PLD5: variants seen among roughly 807,000 people sequenced by gnomAD.
PLD5 encodes the protein inactive phospholipase D5.
PLD5 carries 36 observed loss-of-function variants against 61.1 expected under a neutral mutation model. The observed-to-expected ratio is 0.59, with a 90% CI of 0.45 to 0.78. The LOEUF is 0.78. PLD5 is among the 30% of genes least tolerant of loss of function. The pLI is 0.00. For synonymous variants in PLD5, 243 were observed against 242.8 expected, an observed-to-expected ratio of 1.00 and a Z score of -0.01; for missense variants, 515 against 644.4, an observed-to-expected ratio of 0.80 and a Z score of 2.17.
chr1:242,185,447 GTATT>G (rs67092567), intron 5 of PLD5, among the ~76,000 whole-genome samples: 16,176 of 152,166 alleles, frequency 0.11, 1,099 homozygotes, highest in South Asian at 0.24. Context: ...TGAATAGTAT[GTATT>G]CTTTTCATAA....
Position 242,354,306 on chromosome 1 carries a change from C to G in PLD5, c.190-6064G>C, listed in dbSNP as rs183521686. Among the ~76,000 whole-genome samples the G allele has an allele frequency of 3.2e-3, 494 of 152,160 alleles. 5 individuals are homozygous for G. The highest frequency in any genetic ancestry group is 0.012 in the African/African-American group (479 of 41,510). On this transcript the variant is annotated intron_variant, in intron 1 of 9. Coordinates refer to ENST00000536534, the MANE Select transcript of PLD5 (RefSeq NM_001372062.1). ...TCCTAGAGAGTTCTAAATAATCCAC[C>G]CTGAATTTGCATTGATCCACCCCTT... is the stretch of plus-strand genomic sequence containing the variant.
chr1:242,452,595 C>T lies in PLD5; in HGVS notation c.189+71493G>A, dbSNP rs553729764. On this transcript the variant is annotated intron_variant, in intron 1 of 9. Transcript: ENST00000536534. ...CTTTAGGAAGCTGAGGCGGGTGGATCGCTTGAGCCCAGGAGTTCCAGACCA... is the reference window on the plus strand; with the variant it reads ...CTTTAGGAAGCTGAGGCGGGTGGATTGCTTGAGCCCAGGAGTTCCAGACCA... 1.4e-4 allele frequency among the ~76,000 whole-genome samples: 21 copies of T among 152,222 alleles called. 1 individual carries two copies. In the South Asian group the frequency reaches 3.9e-3, roughly 29 times the overall value.
intron 3 of PLD5, among the ~76,000 whole-genome samples, chr1:242,283,088 T>C (rs1458577806): frequency 6.6e-6 from 1 of 152,158 alleles, no homozygotes; most frequent in East Asian, 1.9e-4. Context: ...AGGTACAGAT[T>C]AAAAACACAT....
At chr1:242,140,250 A>G (rs1664061484) in intron 5 of PLD5, among the ~76,000 whole-genome samples, 1 of 152,244 alleles carries the variant, frequency 6.6e-6, no homozygotes, top group Non-Finnish European at 1.5e-5. Flanking sequence ...AAAGATGCTT[A>G]TCTAACCTCC....
chr1:242,135,861 C>T (rs79765365), intron 5 of PLD5, among the ~76,000 whole-genome samples: 2,181 of 152,310 alleles, frequency 0.014, 25 homozygotes, highest in Non-Finnish European at 0.023. Context: ...AACATAACTT[C>T]CTCCTCCTTT....
At chr1:242,190,459 C>T (rs1668191682) in intron 5 of PLD5, among the ~76,000 whole-genome samples, 1 of 151,838 alleles carries the variant, frequency 6.6e-6, no homozygotes, top group Admixed American at 6.6e-5. Flanking sequence ...TGCAGGACTC[C>T]TTATGGACGA....
chr1:242,492,355 A>G (rs549609738), intron 1 of PLD5, among the ~76,000 whole-genome samples: 1 of 151,860 alleles, frequency 6.6e-6, no homozygotes, highest in Non-Finnish European at 1.5e-5. Context: ...CTACTAAAAA[A>G]AAAACAAATA....
intron 5 of PLD5, among the ~76,000 whole-genome samples, chr1:242,181,663 T>TTG (rs201409964): frequency 3.4e-5 from 5 of 147,028 alleles, no homozygotes; most frequent in African/African-American, 9.8e-5. Context: ...AATGGTTTTT[T>TTG]TTTGTTTTGT....
intron 1 of PLD5, among the ~76,000 whole-genome samples, chr1:242,446,129 TGA>T (rs1352333560): frequency 6.6e-6 from 1 of 152,012 alleles, no homozygotes; most frequent in Non-Finnish European, 1.5e-5. Context: ...AATCACACAA[TGA>T]GTGTAACATA....
chr1:242,128,009 G>C (rs1186502384), intron 5 of PLD5, among the ~76,000 whole-genome samples: 1 of 152,114 alleles, frequency 6.6e-6, no homozygotes, highest in Non-Finnish European at 1.5e-5. Flanking sequence ...CAGGTCATTT[G>C]CTCACACGTG....
intron 1 of PLD5, among the ~76,000 whole-genome samples, chr1:242,363,830 C>A (rs372930352): frequency 0.021 from 3,232 of 152,174 alleles, 50 homozygotes; most frequent in East Asian, 0.033. Flanking sequence ...AGAAATAATA[C>A]ATACACTGAA....
At chr1:242,275,420 T>C (rs1674357954) in intron 3 of PLD5, among the ~76,000 whole-genome samples, 1 of 152,214 alleles carries the variant, frequency 6.6e-6, no homozygotes, top group African/African-American at 2.4e-5. Flanking sequence ...GTTTGTAGGA[T>C]ATACAAAGTT....
chr1:242,215,511 C>A (rs1670127556), intron 5 of PLD5, among the ~76,000 whole-genome samples: 1 of 152,084 alleles, frequency 6.6e-6, no homozygotes, highest in Non-Finnish European at 1.5e-5. Flanking sequence ...TTTGCTAAAA[C>A]CTCTCAAGAC....
At position 242,514,719 on chromosome 1, in the gene PLD5, T is replaced by C. The variant is rs116679779; in HGVS notation, c.189+9369A>G. ...TGAGTAGTTTAGTGGGAAAGGCAAA[T>C]AAAGCTCTAACTAGATACAGTGTCT... On this transcript the variant is annotated intron_variant, in intron 1 of 9. Coordinates refer to ENST00000536534, the MANE Select transcript of PLD5 (RefSeq NM_001372062.1). Among the ~76,000 whole-genome samples, 656 of 151,848 alleles carry C rather than the reference T, an allele frequency of 4.3e-3. 4 individuals carry two copies. The highest frequency in any genetic ancestry group is 0.014 in the African/African-American group (592 of 41,370).
chr1:242,095,512 G>T lies in PLD5; in HGVS notation c.1354+5156C>A, dbSNP rs570838967. On this transcript the variant is annotated intron_variant, in intron 9 of 9. Transcript: ENST00000536534. ...CTCCCAAAGTGCTGGGATTATAGGT[G>T]TGAGCCACCACGCCCGGCCTAAAAC... Among the ~76,000 whole-genome samples, 182 of 152,352 alleles carry T rather than the reference G, an allele frequency of 1.2e-3. 2 individuals are homozygous for T. Among genetic ancestry groups the T allele is most frequent in the African/African-American group, 4.2e-3 (174 of 41,588 alleles).
intron 4 of PLD5, among the ~76,000 whole-genome samples, chr1:242,228,579 A>G (rs192272189): frequency 2.0e-5 from 3 of 152,186 alleles, no homozygotes; most frequent in Admixed American, 2.0e-4. Flanking sequence ...TCATACACAT[A>G]CAGAGGTTGG....
chr1:242,356,719 G>C (rs1401258944), intron 1 of PLD5, among the ~76,000 whole-genome samples: 3 of 151,594 alleles, frequency 2.0e-5, no homozygotes, highest in African/African-American at 7.3e-5. Context: ...TTCACTTTTT[G>C]GTTACCATGA....
intron 5 of PLD5, among the ~76,000 whole-genome samples, chr1:242,127,014 A>G (rs1031354117): frequency 6.6e-6 from 1 of 152,232 alleles, no homozygotes; most frequent in African/African-American, 2.4e-5. Context: ...ACAATTCTCA[A>G]AAGAAGATAT....
At chr1:242,175,321 C>T (rs1574454730) in intron 5 of PLD5, among the ~76,000 whole-genome samples, 1 of 152,136 alleles carries the variant, frequency 6.6e-6, no homozygotes. Flanking sequence ...AAATGTAATC[C>T]ATCACATAAA....
Sources: gnomAD v4.1 joint callset for allele counts (sites outside exome capture counted in the v4.1 genomes callset) on GRCh38, gnomAD v4.1.1 for gene constraint, MANE v1.5 for transcripts, NCBI Gene and HGNC (gene_info 2026-07-23, HGNC 2026-07-21) for gene names.